Variants in ECT2 observed in about 807,000 individuals in gnomAD.
ECT2 encodes epithelial cell transforming 2, also known as protein ECT2.
Under a neutral mutation model 116.9 loss-of-function variants are expected in ECT2, and 61 were observed. That is an observed-to-expected ratio of 0.52 (90% confidence interval 0.42 to 0.65). ECT2 has a LOEUF of 0.65. Ranked by LOEUF, ECT2 falls within the 30% of genes least tolerant of loss-of-function variation. The pLI is 0.00. For synonymous variants in ECT2, 358 were observed against 346.4 expected (o/e 1.03, Z -0.37); for missense variants, 937 against 1,078.7 (o/e 0.87, Z 1.84).
At chr3:172,772,589 C>G (rs578201852) in intron 13 of ECT2, among the ~76,000 whole-genome samples, 13 of 152,060 alleles carry the variant, frequency 8.5e-5, no homozygotes, top group Non-Finnish European at 1.8e-4. Flanking sequence ...TAAATTCTCT[C>G]GTGTCTTTTG....
intron 12 of ECT2, among the ~76,000 whole-genome samples, chr3:172,767,888 C>T (rs1033460725): frequency 3.3e-5 from 5 of 151,976 alleles, no homozygotes; most frequent in South Asian, 2.1e-4. Flanking sequence ...TGTACCACCA[C>T]GCCTAGCTAA....
At chr3:172,815,427 G>T (rs1222060890) in intron 22 of ECT2, among the ~76,000 whole-genome samples, 177 bp from the exon 23 acceptor site, 2 of 152,078 alleles carry the variant, frequency 1.3e-5, no homozygotes, top group Non-Finnish European at 2.9e-5. Flanking sequence ...TTTACTGAAT[G>T]CTTATTTTTC....
At position 172,755,567 on chromosome 3, in the gene ECT2, A is replaced by G. The variant is rs1263038491; in HGVS notation, c.295A>G (p.Ile99Val). The change falls in exon 4 of 25, where the codon ATT (isoleucine) becomes GTT (valine). Residue 99 changes from isoleucine (I) to valine (V), a missense_variant. Transcript: ENST00000392692. ...KSDEKLIKSVINMDIKVGFVK... is the reference protein window; with the variant it reads ...KSDEKLIKSVVNMDIKVGFVK... ...GGATGAAAAATTAATAAAAAGTGTT[A>G]TTAATATGGTAGGTCAAAGTAACTC... 4.2e-6 allele frequency: 6 copies of G among 1,439,874 alleles called. No individual in the cohort carries two copies. Among genetic ancestry groups the G allele is most frequent in the Non-Finnish European group, 5.6e-6 (6 of 1,067,496 alleles). 89.2% of individuals were successfully genotyped at this position (1,439,874 alleles called of 1,614,324 possible).
At position 172,805,777 on chromosome 3, in the gene ECT2, A is replaced by G. The variant is rs1039702294; in HGVS notation, c.2153A>G (p.His718Arg). Reference sequence around the variant, plus strand: ...GTTATTGGCACTTTTAGGAGTCCTCATGGCCAAACCCGACCCCCAGCTTCT... The same window carrying G: ...GTTATTGGCACTTTTAGGAGTCCTCGTGGCCAAACCCGACCCCCAGCTTCT... ...HKVIGTFRSP[H>R]GQTRPPASLK... is the part of the protein sequence containing the mutation. Residue 718 changes from histidine (H) to arginine (R), a missense_variant, in exon 21 of 25, where the codon CAT (histidine) becomes CGT (arginine). By Grantham distance (29) the His-to-Arg change is conservative (BLOSUM62 0). Coordinates refer to ENST00000392692, the MANE Select transcript of ECT2 (RefSeq NM_001258315.2). 1 of 1,613,856 alleles carries G rather than the reference A, an allele frequency of 6.2e-7. No homozygotes were observed. The highest frequency in any genetic ancestry group is 1.7e-5 in the Admixed American group (1 of 59,990).
At chr3:172,770,236 G>A (rs762915027) in intron 13 of ECT2, among the ~76,000 whole-genome samples, 1 of 152,128 alleles carries the variant, frequency 6.6e-6, no homozygotes, top group South Asian at 2.1e-4. Flanking sequence ...AAATGTGGTT[G>A]AGTAGCAAAA....
Position 172,755,347 on chromosome 3 carries a change from A to G in ECT2, c.183A>G (p.Lys61=). Residue 61 remains lysine (K), a synonymous_variant, in exon 3 of 25, where the codon AAA becomes AAG. Transcript: ENST00000392692. ...TRVILVQEAG[K]QEELIKALKT... ...TGATATTGGTTCAAGAAGCTGGAAAACAAGAAGAACTTATAAAAGCCTTAA... is the reference window on the plus strand; with the variant it reads ...TGATATTGGTTCAAGAAGCTGGAAAGCAAGAAGAACTTATAAAAGCCTTAA... The G allele has an allele frequency of 6.2e-7, 1 of 1,605,018 alleles. No individual in the cohort carries two copies. Among genetic ancestry groups the G allele is most frequent in the Non-Finnish European group, 8.5e-7 (1 of 1,177,868 alleles).
At chr3:172,808,056 G>T in intron 22 of ECT2, 132 bp downstream of exon 22, 1 of 849,162 alleles carries the variant, frequency 1.2e-6, no homozygotes, top group Non-Finnish European at 1.7e-6. Context: ...TAAAAAAACT[G>T]ATGTAATAAG....
At chr3:172,773,855 T>C (rs1721140972) in intron 13 of ECT2, 48 bp from the exon 14 acceptor site, 5 of 1,573,404 alleles carry the variant, frequency 3.2e-6, no homozygotes, top group Non-Finnish European at 4.4e-6. Flanking sequence ...CTTTTAGCTC[T>C]TTTCTTTTTC....
chr3:172,816,492 C>T (rs962073558), intron 23 of ECT2, among the ~76,000 whole-genome samples, 199 bp from the exon 24 acceptor site: 21 of 152,080 alleles, frequency 1.4e-4, no homozygotes, highest in African/African-American at 2.2e-4. Flanking sequence ...CTCCTCCTTC[C>T]ATTGGACTGC....
At chr3:172,776,810 T>C (rs546949553) in intron 14 of ECT2, among the ~76,000 whole-genome samples, 11 of 152,246 alleles carry the variant, frequency 7.2e-5, no homozygotes, top group South Asian at 2.1e-4. Context: ...CCTGAAAACA[T>C]TGGTGTCTGT....
At chr3:172,817,309 G>A (rs929690466) in intron 24 of ECT2, among the ~76,000 whole-genome samples, 1 of 152,030 alleles carries the variant, frequency 6.6e-6, no homozygotes, top group African/African-American at 2.4e-5. Flanking sequence ...TTGGGTAAAG[G>A]CAACTGAGAA....
chr3:172,762,360 A>G, intron 8 of ECT2, 56 bp from the exon 9 acceptor site: 1 of 1,520,208 alleles, frequency 6.6e-7, no homozygotes, highest in Non-Finnish European at 8.9e-7. Flanking sequence ...AAATTGATAT[A>G]CCTAACACTT....
intron 14 of ECT2, among the ~76,000 whole-genome samples, chr3:172,776,191 G>GTTT (rs1294531373): frequency 4.7e-5 from 5 of 107,004 alleles, no homozygotes; most frequent in East Asian, 2.5e-4. Context: ...TAGTTTTTCA[G>GTTT]TTTTTTCTTT....
At position 172,762,476 on chromosome 3, in the gene ECT2, T is replaced by C; in HGVS notation, c.819T>C (p.Asp273=). Residue 273 remains aspartate (D), a synonymous_variant, in exon 9 of 25, where the codon GAT becomes GAC. Coordinates refer to ENST00000392692, the MANE Select transcript of ECT2 (RefSeq NM_001258315.2). ...RNEFKVPPFQ[D]CILSFLGFSD... ...AATTTAAAGTTCCTCCATTTCAAGA[T>C]TGTATTTTAAGTTTCCTGGGATTTT... 6.3e-7 allele frequency: 1 copy of C among 1,598,420 alleles called. No individual in the cohort carries two copies. The highest frequency in any genetic ancestry group is 8.5e-7 in the Non-Finnish European group (1 of 1,176,488).
chr3:172,808,042 A>G (rs1728095215), intron 22 of ECT2, 118 bp downstream of exon 22: 3 of 1,019,468 alleles, frequency 2.9e-6, no homozygotes, highest in Non-Finnish European at 2.8e-6. Flanking sequence ...AGTTTTGTGT[A>G]TATTAAAAAA....
chr3:172,820,559 G>T lies in ECT2; in HGVS notation c.*322G>T. 5.3e-6 allele frequency: 1 copy of T among 187,470 alleles called. No individual in the cohort carries two copies. The highest frequency in any genetic ancestry group is 6.0e-5 in the Admixed American group (1 of 16,774). The allele number at this position is 187,470 out of a possible 1,614,324, so 11.6% of individuals were successfully genotyped here. On this transcript the variant is annotated 3_prime_UTR_variant, in exon 25 of 25. Coordinates refer to ENST00000392692, the MANE Select transcript of ECT2 (RefSeq NM_001258315.2). ...CTGATAGAGTAAATAAATTTTATGG[G>T]CGGGTGCCAAATACTGCTGTGAATC...
chr3:172,820,125 A>T, intron 24 of ECT2, 23 bp from the exon 25 acceptor site: 1 of 1,556,436 alleles, frequency 6.4e-7, no homozygotes, highest in Non-Finnish European at 8.8e-7. Context: ...TTAAAATATG[A>T]AATGTTTGTT....
chr3:172,791,561 G>T (rs1011978039), intron 18 of ECT2, among the ~76,000 whole-genome samples: 2 of 152,280 alleles, frequency 1.3e-5, no homozygotes, highest in South Asian at 2.1e-4. Flanking sequence ...TACAGAAATG[G>T]CTTCTTAAAC....
rs201578056 is a variant in ECT2 at position 172,756,995 on chromosome 3, G to T, written c.316G>T (p.Gly106Cys). ...ATATGATGAAAAGGACATTAAAGTG[G>T]GCTTTGTAAAGATGGAGTCAGTGGA... ...KSVINMDIKV[G>C]FVKMESVEEF... The change falls in exon 5 of 25, where the codon GGC (glycine) becomes TGC (cysteine). Residue 106 changes from glycine (G) to cysteine (C), a missense_variant. Gly to Cys is a radical substitution (Grantham distance 159, BLOSUM62 -3). Transcript: ENST00000392692. 3.1e-4 allele frequency: 491 copies of T among 1,603,034 alleles called. 4 individuals carry two copies. The South Asian group carries it at 5.3e-3, about 17-fold the overall frequency.
Sources: gnomAD v4.1 joint callset for allele counts (sites outside exome capture counted in the v4.1 genomes callset) on GRCh38, gnomAD v4.1.1 for gene constraint, MANE v1.5 for transcripts, NCBI Gene and HGNC (gene_info 2026-07-23, HGNC 2026-07-21) for gene names.